The following PARD3B variants were observed in gnomAD, a reference collection of about 807,000 sequenced individuals.
PARD3B encodes par-3 family cell polarity regulator beta.
A neutral mutation model predicts 130.2 loss-of-function variants in PARD3B; 103 were observed. The observed-to-expected ratio is 0.79, with a 90% confidence interval of 0.67 to 0.93. PARD3B has a LOEUF of 0.93. PARD3B is among the 40% of genes least tolerant of loss of function. PARD3B has a pLI of 0.00. For synonymous variants in PARD3B, 583 were observed against 553.2 expected (o/e 1.05, Z -0.76); for missense variants, 1,609 against 1,499.2 (o/e 1.07, Z -1.21).
At chr2:205,374,539 C>T (rs2044960084) in intron 18 of PARD3B, among the ~76,000 whole-genome samples, 1 of 152,256 alleles carries the variant, frequency 6.6e-6, no homozygotes, top group Admixed American at 6.5e-5. Flanking sequence ...GGCCCAACCA[C>T]TTTAATTTTT....
rs1181179774 is a variant in PARD3B at position 205,054,299 on chromosome 2, C to G, written c.504+6609C>G. Reference sequence around the variant, plus strand: ...GAGATCCCTATTTAGGTGTGTGCTCCCCGATTTTTCTTCTTGGGTCTTAGT... The same window carrying G: ...GAGATCCCTATTTAGGTGTGTGCTCGCCGATTTTTCTTCTTGGGTCTTAGT... On this transcript the variant is annotated intron_variant, in intron 4 of 22. Coordinates refer to ENST00000406610, the MANE Select transcript of PARD3B (RefSeq NM_001302769.2). 2.0e-5 allele frequency among the ~76,000 whole-genome samples: 3 copies of G among 149,556 alleles called. No homozygotes were observed. The East Asian group carries it at 6.0e-4, about 30-fold the overall frequency.
At chr2:205,027,207 C>T (rs893852910) in intron 3 of PARD3B, among the ~76,000 whole-genome samples, 1 of 150,508 alleles carries the variant, frequency 6.6e-6, no homozygotes. Context: ...TTCTCCACAG[C>T]CTTTCCAATA....
rs2054392523 is a variant in PARD3B at position 205,591,745 on chromosome 2, C to A, written c.3261-23711C>A. 6.6e-6 allele frequency among the ~76,000 whole-genome samples: 1 copy of A among 152,048 alleles called. No homozygotes were observed. Among genetic ancestry groups the A allele is most frequent in the South Asian group, 2.1e-4 (1 of 4,826 alleles). ...CATACAAGGAGGGAATCAGGAGGGA[C>A]CCCAGTCAGATGAGATAAAAAGAGA... On this transcript the variant is annotated intron_variant, in intron 22 of 22. Transcript: ENST00000406610. The surrounding 1 kb of genome is among the most constrained non-coding windows in gnomAD (Gnocchi z 4.2).
At chr2:205,270,836 A>G (rs773824749) in intron 16 of PARD3B, among the ~76,000 whole-genome samples, 1 of 152,058 alleles carries the variant, frequency 6.6e-6, no homozygotes, top group Non-Finnish European at 1.5e-5. Context: ...TCTTACCAGT[A>G]AAAGCTAAGG....
intron 19 of PARD3B, among the ~76,000 whole-genome samples, chr2:205,437,808 G>T (rs551256413): frequency 2.0e-5 from 3 of 151,980 alleles, no homozygotes; most frequent in Non-Finnish European, 2.9e-5. Context: ...AGAAGAATGG[G>T]GAAACTGGTA....
rs933088347 is a variant in PARD3B, at chr2:205,142,696, G to T, written c.1435-16026G>T. ...AGTTTGAGACCAACCTGGTCAACAT[G>T]GTGAAACCCCGTCTCTACTAAAAAT... On this transcript the variant is annotated intron_variant, in intron 10 of 22. Transcript: ENST00000406610. This position sits in a 1 kb window ranked among gnomAD's most constrained non-coding sequence, Gnocchi z 4.3. 2.0e-5 allele frequency among the ~76,000 whole-genome samples: 3 copies of T among 151,916 alleles called. No individual in the cohort carries two copies. Among genetic ancestry groups the T allele is most frequent in the Non-Finnish European group, 2.9e-5 (2 of 67,980 alleles).
chr2:205,601,203 C>G (rs190681701), intron 22 of PARD3B, among the ~76,000 whole-genome samples: 1 of 152,260 alleles, frequency 6.6e-6, no homozygotes, highest in Non-Finnish European at 1.5e-5. Flanking sequence ...TTCTGACTGG[C>G]ATAAGATGGT....
rs1192861082 is a variant in PARD3B, at chr2:205,142,218, G to A, written c.1434+16481G>A. On this transcript the variant is annotated intron_variant, in intron 10 of 22. Coordinates refer to ENST00000406610, the MANE Select transcript of PARD3B (RefSeq NM_001302769.2). The surrounding 1 kb of genome is among the most constrained non-coding windows in gnomAD (Gnocchi z 4.3). ...TAAGAGTTTGCTAGTGGGTGGCAAAGCAGGGTAAAGAGAGAGCATAAGTTT... is the reference window on the plus strand; with the variant it reads ...TAAGAGTTTGCTAGTGGGTGGCAAAACAGGGTAAAGAGAGAGCATAAGTTT... Among the ~76,000 whole-genome samples, 3 of 152,164 alleles carry A rather than the reference G, an allele frequency of 2.0e-5. No homozygotes were observed. Among genetic ancestry groups the A allele is most frequent in the African/African-American group, 7.2e-5 (3 of 41,446 alleles).
In PARD3B at chr2:205,550,866, G is replaced by A. The variant is rs1436896867; in HGVS notation, c.3181-2458G>A. ...GAATATTTTATATGTATATTTGTATGTATATATGTATATTTGTATGTATAT... is the reference window on the plus strand; with the variant it reads ...GAATATTTTATATGTATATTTGTATATATATATGTATATTTGTATGTATAT... On this transcript the variant is annotated intron_variant, in intron 21 of 22. Coordinates refer to ENST00000406610, the MANE Select transcript of PARD3B (RefSeq NM_001302769.2). The surrounding 1 kb of genome is among the most constrained non-coding windows in gnomAD (Gnocchi z 4.5). 1.4e-5 allele frequency among the ~76,000 whole-genome samples: 2 copies of A among 145,354 alleles called. No individual in the cohort carries two copies. The highest frequency in any genetic ancestry group is 3.0e-5 in the Non-Finnish European group (2 of 66,442).
At chr2:205,514,623 GAC>G (rs1388557530) in intron 21 of PARD3B, among the ~76,000 whole-genome samples, 8 of 150,922 alleles carry the variant, frequency 5.3e-5, no homozygotes, top group Non-Finnish European at 1.0e-4. Context: ...GATAGATACA[GAC>G]ACAATTTGCA....
chr2:204,779,935 T>A (rs2041777287), intron 2 of PARD3B, among the ~76,000 whole-genome samples: 1 of 152,148 alleles, frequency 6.6e-6, no homozygotes, highest in Non-Finnish European at 1.5e-5. Flanking sequence ...GAGAGGAAAA[T>A]GGTGCATTTT....
At chr2:204,858,077 T>C (rs1331293575) in intron 2 of PARD3B, among the ~76,000 whole-genome samples, 1 of 152,188 alleles carries the variant, frequency 6.6e-6, no homozygotes, top group Non-Finnish European at 1.5e-5. Context: ...CAATAGTGTA[T>C]CCATAATATT....
At chr2:205,108,001 C>T (rs114347903) in intron 5 of PARD3B, among the ~76,000 whole-genome samples, 1,848 of 152,272 alleles carry the variant, frequency 0.012, 34 homozygotes, top group African/African-American at 0.042. Context: ...TTCTTCCAGA[C>T]TTGCCTTTTG....
At chr2:204,949,913 G>A (rs1689625290) in intron 2 of PARD3B, among the ~76,000 whole-genome samples, 1 of 152,042 alleles carries the variant, frequency 6.6e-6, no homozygotes, top group Admixed American at 6.6e-5. Flanking sequence ...TTCATTAGAT[G>A]CCCACTTATT....
intron 10 of PARD3B, among the ~76,000 whole-genome samples, chr2:205,150,250 T>TGCGCGCGC (rs534448642): frequency 2.2e-5 from 2 of 92,822 alleles, no homozygotes; most frequent in Admixed American, 2.6e-4. Flanking sequence ...TGTGTGTGTG[T>TGCGCGCGC]GTGCACACAC....
intron 20 of PARD3B, among the ~76,000 whole-genome samples, chr2:205,464,192 C>G (rs2048545814): frequency 6.6e-6 from 1 of 151,996 alleles, no homozygotes; most frequent in Non-Finnish European, 1.5e-5. Flanking sequence ...AAAGGTTTGC[C>G]TTTGTATTTA....
Position 205,341,453 on chromosome 2 carries a change from C to G in PARD3B, c.2630+39752C>G, listed in dbSNP as rs1326670763. On this transcript the variant is annotated intron_variant, in intron 18 of 22. Transcript: ENST00000406610. The surrounding 1 kb of genome is among the most constrained non-coding windows in gnomAD (Gnocchi z 4.3). ...TGTCATTTGCAGCAACATGGATGAG[C>G]CTGGAGGACATTATGTTAAACAAAA... Among the ~76,000 whole-genome samples, 2 of 151,950 alleles carry G rather than the reference C, an allele frequency of 1.3e-5. No homozygotes were observed. The highest frequency in any genetic ancestry group is 2.9e-5 in the Non-Finnish European group (2 of 67,930).
chr2:205,393,789 G>C (rs576573438), intron 18 of PARD3B, among the ~76,000 whole-genome samples: 23 of 152,214 alleles, frequency 1.5e-4, no homozygotes, highest in Non-Finnish European at 2.8e-4. Context: ...AACTAAATGA[G>C]AGAGTAGACA....
rs371967784 is a variant in PARD3B at position 205,022,310 on chromosome 2, C to T, written c.395-25271C>T. 1.9e-4 allele frequency among the ~76,000 whole-genome samples: 29 copies of T among 152,234 alleles called. No individual in the cohort carries two copies. In the East Asian group the frequency reaches 4.4e-3, roughly 23 times the overall value. ...GGATTGTAACAGAAATTGGAATTTG[C>T]CGGCCAACACTGAATTGGAAATGCT... is the stretch of plus-strand genomic sequence containing the variant. On this transcript the variant is annotated intron_variant, in intron 3 of 22. Coordinates refer to ENST00000406610, the MANE Select transcript of PARD3B (RefSeq NM_001302769.2).
Sources: allele counts gnomAD v4.1 joint callset (sites outside exome capture counted in the v4.1 genomes callset), GRCh38; gene constraint gnomAD v4.1.1; non-coding constraint Gnocchi (gnomAD v3.1); transcripts MANE v1.5; gene names NCBI Gene and HGNC (gene_info 2026-07-23, HGNC 2026-07-21).